The following IRAK4 variants were observed in gnomAD, a reference collection of about 807,000 sequenced individuals.
The protein encoded by IRAK4 is interleukin-1 receptor-associated kinase 4.
Under a neutral mutation model 51.8 loss-of-function variants are expected in IRAK4, and 44 were observed. The observed-to-expected ratio is 0.85, with a 90% CI of 0.67 to 1.09. The LOEUF is 1.09. Among genes scored for constraint, IRAK4 ranks in the 50% least tolerant of loss-of-function variants. The pLI is 0.00. For missense variants in IRAK4, 487 were observed against 538.0 expected (o/e 0.91, Z 0.94); for synonymous variants, 149 against 174.1 (o/e 0.86, Z 1.13).
In IRAK4 at chr12:43,781,303, A is replaced by G. The variant is rs1941760093; in HGVS notation, c.942-1004A>G. On this transcript the variant is annotated intron_variant, in intron 8 of 11. Transcript: ENST00000613694. ...AAATCCAGCCTATCAGTTCTCATCT[A>G]TTCACTACCACACTACTAGGTCATG... 3.3e-5 allele frequency among the ~76,000 whole-genome samples: 5 copies of G among 152,178 alleles called. No individual in the cohort carries two copies. The South Asian group carries it at 1.0e-3, about 32-fold the overall frequency.
intron 1 of IRAK4, among the ~76,000 whole-genome samples, chr12:43,766,869 C>T (rs1592218098): frequency 6.6e-6 from 1 of 151,956 alleles, no homozygotes; most frequent in Non-Finnish European, 1.5e-5. Context: ...ATCTTAAAAT[C>T]GAATATGGGA....
intron 1 of IRAK4, among the ~76,000 whole-genome samples, chr12:43,767,141 A>T (rs1157108374): frequency 6.6e-6 from 1 of 152,212 alleles, no homozygotes; most frequent in East Asian, 1.9e-4. Flanking sequence ...GGAAGCAAAA[A>T]TAATTGACAG....
rs11182263 is a variant in IRAK4, at chr12:43,783,643, A to T, written c.1126-19A>T. On this transcript the variant is annotated intron_variant, in intron 9 of 11. Transcript: ENST00000613694. Reference sequence around the variant, plus strand: ...GCCTATCTTGTGTATTATATTAATGATTTTTTTTGTCTTCATAGGTTTTAC... The same window carrying T: ...GCCTATCTTGTGTATTATATTAATGTTTTTTTTTGTCTTCATAGGTTTTAC... 0.01 allele frequency: 15,398 copies of T among 1,529,702 alleles called. 99 individuals carry two copies. Among genetic ancestry groups the T allele is most frequent in the Middle Eastern group, 0.015 (87 of 5,896 alleles). 94.8% of individuals were successfully genotyped at this position (1,529,702 alleles called of 1,614,324 possible). A position where few individuals can be genotyped will look rare whatever the true frequency, so the allele number is the denominator to read the frequency against.
intron 4 of IRAK4, 42 bp from the exon 5 acceptor site, chr12:43,772,870 G>C (rs199667619): frequency 2.1e-6 from 3 of 1,420,246 alleles, no homozygotes; most frequent in Non-Finnish European, 2.9e-6. Flanking sequence ...TTATTAAAAC[G>C]AATTTTTAAA....
intron 10 of IRAK4, among the ~76,000 whole-genome samples, chr12:43,785,243 T>G (rs1209413123): frequency 2.0e-5 from 3 of 152,204 alleles, no homozygotes; most frequent in Admixed American, 6.5e-5. Flanking sequence ...CCAGGAATTA[T>G]GACATAGACA....
At chr12:43,760,949 A>G (rs1163206686) in intron 1 of IRAK4, 1 of 152,110 alleles carries the variant, frequency 6.6e-6, no homozygotes, top group Non-Finnish European at 1.5e-5. Context: ...ATCTAGCACA[A>G]AGTAGACACT....
At chr12:43,777,381 C>A (rs1463084027) in intron 6 of IRAK4, among the ~76,000 whole-genome samples, 1 of 151,664 alleles carries the variant, frequency 6.6e-6, no homozygotes, top group Non-Finnish European at 1.5e-5. Context: ...AGAGTTAGAC[C>A]CTGTCTCAAA....
chr12:43,760,637 C>T (rs1459636951), intron 1 of IRAK4, among the ~76,000 whole-genome samples: 3 of 152,170 alleles, frequency 2.0e-5, no homozygotes, highest in Non-Finnish European at 4.4e-5. Context: ...TCGTTTTGTC[C>T]ACAAACTTTT....
chr12:43,778,964 C>A (rs1941538976), intron 8 of IRAK4, among the ~76,000 whole-genome samples: 1 of 151,974 alleles, frequency 6.6e-6, no homozygotes, highest in African/African-American at 2.4e-5. Context: ...ATTTGTAAGA[C>A]CAGTGGTGAG....
intron 8 of IRAK4, among the ~76,000 whole-genome samples, chr12:43,779,181 T>C (rs1198170263): frequency 6.6e-6 from 1 of 152,070 alleles, no homozygotes; most frequent in Non-Finnish European, 1.5e-5. Flanking sequence ...GGAGGAGGCT[T>C]GAGCCCAGGA....
Position 43,789,172 on chromosome 12 carries a change from T to G in IRAK4, c.*2457T>G, listed in dbSNP as rs1264144395. ...TTTCATGTTTAAATGTAATCCCCAG[T>G]GTTGGGGGTGGAGGTGGGGCCTGAT... is the stretch of plus-strand genomic sequence containing the variant. On this transcript the variant is annotated 3_prime_UTR_variant, in exon 12 of 12. Transcript: ENST00000613694. 6.6e-6 allele frequency: 1 copy of G among 152,098 alleles called. No homozygotes were observed. The highest frequency in any genetic ancestry group is 6.5e-5 in the Admixed American group (1 of 15,268). The allele number at this position is 152,098 out of a possible 1,614,324, so 9.4% of individuals were successfully genotyped here.
At chr12:43,773,329 C>G (rs979139893) in intron 5 of IRAK4, among the ~76,000 whole-genome samples, 1 of 152,048 alleles carries the variant, frequency 6.6e-6, no homozygotes, top group Admixed American at 6.6e-5. Flanking sequence ...AGTTGAGAAG[C>G]CCTGCTCCAC....
chr12:43,775,162 G>A (rs1941151776), intron 6 of IRAK4, among the ~76,000 whole-genome samples: 1 of 152,070 alleles, frequency 6.6e-6, no homozygotes, highest in African/African-American at 2.4e-5. Context: ...GACTAGAATT[G>A]ATTTATGCAC....
chr12:43,776,302 T>C (rs1459413247), intron 6 of IRAK4, among the ~76,000 whole-genome samples: 2 of 152,224 alleles, frequency 1.3e-5, no homozygotes, highest in East Asian at 3.8e-4. Context: ...CTTAAGTTAT[T>C]GTGAGGATTA....
In IRAK4 at chr12:43,778,445, G is replaced by A. The variant is rs1223388864; in HGVS notation, c.941+143G>A. 2.5e-5 allele frequency: 16 copies of A among 649,400 alleles called. No individual in the cohort carries two copies. The East Asian group carries it at 3.6e-4, about 15-fold the overall frequency. The allele number at this position is 649,400 out of a possible 1,614,324, so 40.2% of individuals were successfully genotyped here. A position where few individuals can be genotyped will look rare whatever the true frequency, so the allele number is the denominator to read the frequency against. Reference sequence around the variant, plus strand: ...ACTCCATGAAAGCTCTTCTCAATAAGGACATCTATAATCTCCTTTATTCCA... The same window carrying A: ...ACTCCATGAAAGCTCTTCTCAATAAAGACATCTATAATCTCCTTTATTCCA... On this transcript the variant is annotated intron_variant, in intron 8 of 11. Transcript: ENST00000613694.
chr12:43,774,664 A>G lies in IRAK4; in HGVS notation c.716+635A>G, dbSNP rs1941107506. On this transcript the variant is annotated intron_variant, in intron 6 of 11. Transcript: ENST00000613694. ...ATTGTAGAGATACTTAAAAACAACTATCTATAGAGTAATAGGCCCTTATAT... is the reference window on the plus strand; with the variant it reads ...ATTGTAGAGATACTTAAAAACAACTGTCTATAGAGTAATAGGCCCTTATAT... 1.3e-5 allele frequency among the ~76,000 whole-genome samples: 2 copies of G among 152,222 alleles called. 1 individual carries two copies. The highest frequency in any genetic ancestry group is 4.1e-4 in the South Asian group (2 of 4,826).
At chr12:43,770,397 A>G (rs1940625414) in intron 2 of IRAK4, among the ~76,000 whole-genome samples, 1 of 152,196 alleles carries the variant, frequency 6.6e-6, no homozygotes, top group African/African-American at 2.4e-5. Context: ...TCTTTTGTCA[A>G]ATGAGATCTG....
chr12:43,771,101 A>G (rs1940710888), intron 2 of IRAK4, 119 bp from the exon 3 acceptor site: 2 of 913,994 alleles, frequency 2.2e-6, no homozygotes, highest in Admixed American at 4.0e-5. Flanking sequence ...CAGCCTCCAG[A>G]ACCGTGAGCC....
chr12:43,770,039 G>T (rs1031656602), intron 2 of IRAK4, among the ~76,000 whole-genome samples: 15 of 152,134 alleles, frequency 9.9e-5, no homozygotes, highest in African/African-American at 3.6e-4. Context: ...GTGAATCTAG[G>T]TGAATGGTTG....
Sources: allele counts gnomAD v4.1 joint callset (sites outside exome capture counted in the v4.1 genomes callset), GRCh38; gene constraint gnomAD v4.1.1; transcripts MANE v1.5; gene names NCBI Gene and HGNC (gene_info 2026-07-23, HGNC 2026-07-21).